NFIA: variants seen among roughly 807,000 people sequenced by gnomAD.
NFIA encodes the protein nuclear factor I A, also known as nuclear factor 1 A-type.
In NFIA, 8 loss-of-function variants were observed where a neutral mutation model predicts 62.8. The observed-to-expected ratio is 0.13, with a 90% CI of 0.07 to 0.23. NFIA has a LOEUF of 0.23. Ranked by LOEUF, NFIA falls within the 10% of genes least tolerant of loss-of-function variation. NFIA has a pLI of 1.00. For missense variants in NFIA, 410 were observed against 642.1 expected (o/e 0.64, Z 3.91); for synonymous variants, 235 against 238.1 (o/e 0.99, Z 0.12).
intron 2 of NFIA, among the ~76,000 whole-genome samples, chr1:61,232,662 GCA>G (rs1375433550): frequency 6.6e-6 from 1 of 152,122 alleles, no homozygotes; most frequent in Non-Finnish European, 1.5e-5. Context: ...AAAAATTAAT[GCA>G]CAGAGATTTT....
Position 61,246,778 on chromosome 1 carries a change from G to A in NFIA, c.560-30742G>A, listed in dbSNP as rs74090356. On this transcript the variant is annotated intron_variant, in intron 2 of 10. Coordinates refer to ENST00000403491, the MANE Select transcript of NFIA (RefSeq NM_001134673.4). ...AACGTGTACCGAGTACTTACTCCTAGACATCACCTGCTGGGCTCCTGATGT... is the reference window on the plus strand; with the variant it reads ...AACGTGTACCGAGTACTTACTCCTAAACATCACCTGCTGGGCTCCTGATGT... Among the ~76,000 whole-genome samples, 904 of 152,286 alleles carry A rather than the reference G, an allele frequency of 5.9e-3. 7 individuals are homozygous for A. Among genetic ancestry groups the A allele is most frequent in the African/African-American group, 0.02 (842 of 41,554 alleles).
chr1:61,176,271 C>T (rs1650338142), intron 2 of NFIA, among the ~76,000 whole-genome samples: 1 of 152,118 alleles, frequency 6.6e-6, no homozygotes, highest in African/African-American at 2.4e-5. Flanking sequence ...ATAATTCTCC[C>T]CCACCCTTTT....
intron 7 of NFIA, among the ~76,000 whole-genome samples, chr1:61,401,030 A>T (rs76334712): frequency 1.3e-5 from 2 of 151,620 alleles, no homozygotes; most frequent in South Asian, 4.2e-4. Context: ...ATTTAATAAT[A>T]ACTAGAGCTT....
chr1:61,435,727 G>T lies in NFIA; in HGVS notation c.1512+9171G>T, dbSNP rs1406689827. Among the ~76,000 whole-genome samples, 11 of 152,278 alleles carry T rather than the reference G, an allele frequency of 7.2e-5. No homozygotes were observed. The South Asian group carries it at 1.2e-3, about 17-fold the overall frequency. ...GATTATCTTGATTGGCTCAAATCAT[G>T]ACCGTCACCTAGGACCAGTCACATT... is the stretch of plus-strand genomic sequence containing the variant. On this transcript the variant is annotated intron_variant, in intron 10 of 10. Transcript: ENST00000403491.
chr1:61,150,562 A>T (rs1358649213), intron 2 of NFIA, among the ~76,000 whole-genome samples: 10 of 152,206 alleles, frequency 6.6e-5, no homozygotes, highest in African/African-American at 2.4e-4. Context: ...GGGAAATTTT[A>T]AAATTCTTAT....
intron 3 of NFIA, among the ~76,000 whole-genome samples, chr1:61,306,856 C>T (rs563422277): frequency 6.6e-6 from 1 of 152,250 alleles, no homozygotes; most frequent in South Asian, 2.1e-4. Context: ...TATCAGGGTA[C>T]GGAAAACTCT....
intron 2 of NFIA, among the ~76,000 whole-genome samples, chr1:61,273,817 T>C (rs541580716): frequency 1.3e-5 from 2 of 152,154 alleles, no homozygotes; most frequent in Non-Finnish European, 2.9e-5. Flanking sequence ...TAATTCTAGG[T>C]GAAAGGGAAG....
intron 10 of NFIA, among the ~76,000 whole-genome samples, chr1:61,445,536 C>T (rs1667769641): frequency 6.6e-6 from 1 of 152,194 alleles, no homozygotes; most frequent in Non-Finnish European, 1.5e-5. Flanking sequence ...TTGCAAGTCA[C>T]GTCTTAACAA....
At chr1:61,331,370 G>A (rs890105358) in intron 3 of NFIA, among the ~76,000 whole-genome samples, 4 of 152,170 alleles carry the variant, frequency 2.6e-5, no homozygotes, top group African/African-American at 9.7e-5. Context: ...GTGTTTATGT[G>A]TATGACATTT....
At chr1:61,427,817 G>T (rs1214525698) in intron 10 of NFIA, among the ~76,000 whole-genome samples, 1 of 152,118 alleles carries the variant, frequency 6.6e-6, no homozygotes, top group Non-Finnish European at 1.5e-5. Context: ...GCCTGCATAT[G>T]GCGTCTGATA....
intron 9 of NFIA, among the ~76,000 whole-genome samples, chr1:61,420,505 G>A (rs1666566145): frequency 6.6e-6 from 1 of 152,026 alleles, no homozygotes; most frequent in Non-Finnish European, 1.5e-5. Context: ...TTTACTGCCA[G>A]GAGTCACTGA....
At chr1:61,383,451 C>T (rs1049333064) in intron 7 of NFIA, 86 bp downstream of exon 7, 54 of 1,542,302 alleles carry the variant, frequency 3.5e-5, no homozygotes, top group Non-Finnish European at 4.7e-5. Context: ...TGAGGACTCC[C>T]CCTGAACACT....
chr1:61,400,094 C>G (rs1171532868), intron 7 of NFIA, among the ~76,000 whole-genome samples: 1 of 152,100 alleles, frequency 6.6e-6, no homozygotes, highest in African/African-American at 2.4e-5. Flanking sequence ...AGGGAATGAA[C>G]AAGTAAACCA....
intron 2 of NFIA, among the ~76,000 whole-genome samples, chr1:61,116,380 T>C (rs1048207370): frequency 6.6e-6 from 1 of 152,228 alleles, no homozygotes; most frequent in African/African-American, 2.4e-5. Flanking sequence ...GCATAGAAAG[T>C]TTAGATGACC....
At chr1:61,218,705 C>T (rs1340629193) in intron 2 of NFIA, among the ~76,000 whole-genome samples, 1 of 152,140 alleles carries the variant, frequency 6.6e-6, no homozygotes, top group East Asian at 1.9e-4. Context: ...ATGTATTCTT[C>T]TACAGAATCA....
At chr1:61,338,132 C>A (rs1284744244) in intron 4 of NFIA, among the ~76,000 whole-genome samples, 1 of 152,188 alleles carries the variant, frequency 6.6e-6, no homozygotes, top group Non-Finnish European at 1.5e-5. Flanking sequence ...GACTTCATGG[C>A]CCTGGAATTT....
chr1:61,391,487 C>CACACAG (rs1553181317), intron 7 of NFIA, among the ~76,000 whole-genome samples: 1 of 136,512 alleles, frequency 7.3e-6, no homozygotes, highest in Non-Finnish European at 1.6e-5. Flanking sequence ...CACACACACA[C>CACACAG]AGGCAGTTTA....
rs186666367 is a variant in NFIA at position 61,381,653 on chromosome 1, G to A, written c.947-1584G>A. ...GGGTGAAAATTCTAAGCTTTGCTAT[G>A]TTTAAGCATCTATTCATGAAGCTAC... On this transcript the variant is annotated intron_variant, in intron 6 of 10. Coordinates refer to ENST00000403491, the MANE Select transcript of NFIA (RefSeq NM_001134673.4). Among the ~76,000 whole-genome samples the A allele has an allele frequency of 5.9e-5, 9 of 152,242 alleles. No homozygotes were observed. In the East Asian group the frequency reaches 1.4e-3, roughly 23 times the overall value.
chr1:61,358,007 T>C (rs1663054908), intron 5 of NFIA, among the ~76,000 whole-genome samples: 1 of 151,586 alleles, frequency 6.6e-6, no homozygotes, highest in African/African-American at 2.4e-5. Flanking sequence ...CTGGGGAGAA[T>C]ATTCAGTCCT....
Sources: allele counts gnomAD v4.1 joint callset (sites outside exome capture counted in the v4.1 genomes callset), GRCh38; gene constraint gnomAD v4.1.1; transcripts MANE v1.5; gene names NCBI Gene and HGNC (gene_info 2026-07-23, HGNC 2026-07-21).